The following ZFHX3 variants were observed in gnomAD, a reference collection of about 807,000 sequenced individuals.
The protein encoded by ZFHX3 is zinc finger homeobox 3.
Under a neutral mutation model 279.1 loss-of-function variants are expected in ZFHX3, and 42 were observed. The ratio of observed to expected loss-of-function variants is 0.15; its 90% CI spans 0.12 to 0.19. The LOEUF is 0.19. Ranked by LOEUF, ZFHX3 falls within the 10% of genes least tolerant of loss-of-function variation. The probability of loss-of-function intolerance (pLI) is 1.00; values close to 1 mark genes in which losing one functional copy is unlikely to be tolerated. For missense variants in ZFHX3, 4,981 were observed against 4,754.0 expected (o/e 1.05, Z -1.40); for synonymous variants, 2,293 against 1,957.8 (o/e 1.17, Z -4.52).
intron 4 of ZFHX3, among the ~76,000 whole-genome samples, chr16:72,874,198 A>ATTTTTTTTTTTTTTTTTTT (rs565664402): frequency 1.1e-5 from 1 of 95,160 alleles, no homozygotes; most frequent in African/African-American, 4.7e-5. Flanking sequence ...GGATTTTTTG[A>ATTTTTTTTTTTTTTTTTTT]TTTTTTTTTT....
At position 72,794,229 on chromosome 16, in the gene ZFHX3, A is replaced by G. The variant is rs1242152515; in HGVS notation, c.8453T>C (p.Met2818Thr). 3.7e-6 allele frequency: 6 copies of G among 1,614,082 alleles called. No homozygotes were observed. Among genetic ancestry groups the G allele is most frequent in the Non-Finnish European group, 5.1e-6 (6 of 1,180,048 alleles). ...EGIEDFESPS[M>T]SSVNLNFDQT... Reference sequence around the variant, plus strand: ...GTCAAAGTTTAGATTAACTGAGGACATGGAGGGGCTTTCAAAGTCTTCAAT... The same window carrying G: ...GTCAAAGTTTAGATTAACTGAGGACGTGGAGGGGCTTTCAAAGTCTTCAAT... The change falls in exon 9 of 10, where the codon ATG (methionine) becomes ACG (threonine). Residue 2818 changes from methionine (M) to threonine (T), a missense_variant. Physicochemically the swap from Met to Thr is moderately conservative, Grantham distance 81 (BLOSUM62 -1). Transcript: ENST00000268489. This position sits in a 1 kb window ranked among gnomAD's most constrained non-coding sequence, Gnocchi z 4.2.
At chr16:73,229,196 C>G (rs1005851590) in intron 5 of ZFHX3, among the ~76,000 whole-genome samples, 1 of 152,150 alleles carries the variant, frequency 6.6e-6, no homozygotes, top group Non-Finnish European at 1.5e-5. Flanking sequence ...CTCCCCAGCC[C>G]TCTCTGCTCA....
intron 2 of ZFHX3, among the ~76,000 whole-genome samples, chr16:73,620,951 G>C (rs1266579337): frequency 6.6e-6 from 1 of 152,220 alleles, no homozygotes; most frequent in Admixed American, 6.5e-5. Context: ...CAGACCCTTA[G>C]ATGACTTTAA....
chr16:73,610,917 C>T (rs1315077445), intron 2 of ZFHX3, among the ~76,000 whole-genome samples: 3 of 152,152 alleles, frequency 2.0e-5, no homozygotes, highest in African/African-American at 4.8e-5. Context: ...AGGACAGCAC[C>T]GCAGACTGTG....
chr16:73,082,231 A>T (rs2144766957), intron 8 of ZFHX3, among the ~76,000 whole-genome samples: 1 of 152,112 alleles, frequency 6.6e-6, no homozygotes, highest in Non-Finnish European at 1.5e-5. Context: ...TAACTAGCAC[A>T]AGATCCTACT....
At chr16:73,224,517 G>A (rs1180896684) in intron 5 of ZFHX3, among the ~76,000 whole-genome samples, 1 of 152,186 alleles carries the variant, frequency 6.6e-6, no homozygotes, top group Non-Finnish European at 1.5e-5. Flanking sequence ...ACAAGTCAAG[G>A]AACACAAGCT....
intron 6 of ZFHX3, among the ~76,000 whole-genome samples, chr16:73,132,731 A>T (rs1286609537): frequency 6.6e-6 from 1 of 152,126 alleles, no homozygotes; most frequent in African/African-American, 2.4e-5. Context: ...GAAGCACATA[A>T]TGTAACATGA....
chr16:72,947,576 G>A (rs570413536), intron 3 of ZFHX3, among the ~76,000 whole-genome samples: 5 of 152,214 alleles, frequency 3.3e-5, no homozygotes, highest in African/African-American at 7.2e-5. Context: ...TAAAAGCCTC[G>A]GCTGAAAGAG....
chr16:73,007,089 C>T (rs1963734509), intron 1 of ZFHX3, among the ~76,000 whole-genome samples: 1 of 152,190 alleles, frequency 6.6e-6, no homozygotes, highest in Non-Finnish European at 1.5e-5. Flanking sequence ...CTTGGCTCTA[C>T]ATACATGATT....
intron 5 of ZFHX3, among the ~76,000 whole-genome samples, chr16:73,213,994 G>A (rs142823925): frequency 2.2e-4 from 34 of 152,170 alleles, no homozygotes; most frequent in Admixed American, 9.2e-4. Context: ...TAATAGATAC[G>A]TATCTTATTA....
At chr16:72,942,568 C>T (rs1002260008) in intron 3 of ZFHX3, among the ~76,000 whole-genome samples, 5 of 152,150 alleles carry the variant, frequency 3.3e-5, no homozygotes, top group African/African-American at 4.8e-5. Context: ...CCTTGCTGCT[C>T]AGCCTAAGTC....
intron 3 of ZFHX3, among the ~76,000 whole-genome samples, chr16:72,916,644 C>T (rs1281884657): frequency 1.3e-5 from 2 of 151,992 alleles, no homozygotes; most frequent in African/African-American, 4.8e-5. Flanking sequence ...TGTATGGCCC[C>T]AAGAAAAGGC....
chr16:72,962,948 A>G (rs7189871), intron 1 of ZFHX3, among the ~76,000 whole-genome samples: 134,144 of 151,998 alleles, frequency 0.88, 59,894 homozygotes, highest in Middle Eastern at 0.97. Context: ...CAAGGGTCTC[A>G]GGGCATCTAC....
intron 5 of ZFHX3, among the ~76,000 whole-genome samples, chr16:73,156,554 T>TTTAAA (rs1967090068): frequency 6.6e-6 from 1 of 152,176 alleles, no homozygotes; most frequent in Admixed American, 6.5e-5. Flanking sequence ...GAGATGTTTC[T>TTTAAA]TTTAATTTAA....
chr16:73,564,201 C>T (rs926041234), intron 2 of ZFHX3, among the ~76,000 whole-genome samples: 40 of 152,162 alleles, frequency 2.6e-4, no homozygotes, highest in African/African-American at 9.4e-4. Context: ...CTCTCCCTAT[C>T]CTGAGTTTGT....
chr16:73,703,317 C>T (rs2053269228), intron 1 of ZFHX3, among the ~76,000 whole-genome samples: 1 of 151,988 alleles, frequency 6.6e-6, no homozygotes, highest in African/African-American at 2.4e-5. Flanking sequence ...AAAGAAAGGG[C>T]CTCCCTAGGC....
chr16:73,447,926 A>C (rs1027051253), intron 3 of ZFHX3, among the ~76,000 whole-genome samples: 2 of 152,226 alleles, frequency 1.3e-5, no homozygotes, highest in African/African-American at 4.8e-5. Flanking sequence ...CCTTAAAAGC[A>C]TTGAGGAGTT....
chr16:73,231,538 G>T (rs1385515806), intron 5 of ZFHX3, among the ~76,000 whole-genome samples: 1 of 152,164 alleles, frequency 6.6e-6, no homozygotes, highest in Non-Finnish European at 1.5e-5. Context: ...GGGTGATAAG[G>T]CAAGTTCGTG....
At chr16:73,105,280 C>G (rs1195835234) in intron 7 of ZFHX3, among the ~76,000 whole-genome samples, 1 of 148,904 alleles carries the variant, frequency 6.7e-6, no homozygotes, top group African/African-American at 2.5e-5. Context: ...TATACACACA[C>G]AGACACACAC....
Sources: gnomAD v4.1 joint callset for allele counts (sites outside exome capture counted in the v4.1 genomes callset) on GRCh38, gnomAD v4.1.1 for gene constraint, Gnocchi (gnomAD v3.1) non-coding constraint, MANE v1.5 for transcripts, NCBI Gene and HGNC (gene_info 2026-07-23, HGNC 2026-07-21) for gene names.